The following HMCN2 variants were observed in gnomAD, a reference collection of about 807,000 sequenced individuals.
HMCN2 encodes the protein hemicentin 2, also known as hemicentin-2.
A neutral mutation model predicts 377.5 loss-of-function variants in HMCN2; 325 were observed. The observed-to-expected ratio is 0.86, with a 90% CI of 0.79 to 0.94. The LOEUF (loss-of-function observed/expected upper bound fraction) is 0.94. Ranked by LOEUF, HMCN2 falls within the 40% of genes least tolerant of loss-of-function variation. HMCN2 has a pLI of 0.00. For missense variants in HMCN2, 4,543 were observed against 4,725.3 expected (o/e 0.96, Z 1.13); for synonymous variants, 2,007 against 2,046.8 (o/e 0.98, Z 0.53).
intron 15 of HMCN2, among the ~76,000 whole-genome samples, chr9:130,313,607 C>G (rs929531020): frequency 1.4e-3 from 209 of 151,916 alleles, no homozygotes; most frequent in Middle Eastern, 3.4e-3. Flanking sequence ...GGCACCCCCC[C>G]CCATAAACCT....
intron 25 of HMCN2, among the ~76,000 whole-genome samples, chr9:130,345,854 G>A (rs1044538880): frequency 3.9e-5 from 6 of 151,954 alleles, no homozygotes; most frequent in Non-Finnish European, 8.8e-5. Context: ...GGCACTTTAC[G>A]GTGGGCGGTC....
intron 48 of HMCN2, among the ~76,000 whole-genome samples, chr9:130,373,735 A>G (rs796949377): frequency 0.076 from 1,583 of 20,940 alleles, 1 homozygote; most frequent in Non-Finnish European, 0.21. Flanking sequence ...ATGGATAGGT[A>G]GGTGGATGGA....
intron 22 of HMCN2, among the ~76,000 whole-genome samples, chr9:130,335,070 T>A (rs1838672912): frequency 6.6e-6 from 1 of 152,200 alleles, no homozygotes; most frequent in South Asian, 2.1e-4. Flanking sequence ...TTTTCAAATA[T>A]GAAATGGGGT....
chr9:130,391,890 T>A lies in HMCN2; in HGVS notation c.9953-45T>A. On this transcript the variant is annotated intron_variant, in intron 65 of 97. Coordinates refer to ENST00000683500, the MANE Select transcript of HMCN2 (RefSeq NM_001291815.2). ...TTTCCCTGGGAGGAGCCCACCTTCC[T>A]CCCAAGACCTCCGCACTACCCCTCT... The A allele has an allele frequency of 5.2e-6, 5 of 967,914 alleles. No homozygotes were observed. The South Asian group carries it at 2.4e-4, about 46-fold the overall frequency. 60.0% of individuals were successfully genotyped at this position (967,914 alleles called of 1,614,324 possible).
intron 82 of HMCN2, chr9:130,407,273 C>G (rs75385142): frequency 0.015 from 2,638 of 171,322 alleles, 23 homozygotes; most frequent in East Asian, 0.023. Context: ...AAGAAACCTT[C>G]TCTCTAGAAA....
At position 130,403,322 on chromosome 9, in the gene HMCN2, G is replaced by A. The variant is rs548953870; in HGVS notation, c.12007G>A (p.Ala4003Thr). ...CTGGCAGAAGGAAGGGCTCAACGTC[G>A]CTACTGGTGAGGGCCCCTGGCAGCC... is the stretch of plus-strand genomic sequence containing the variant. ...ITWQKEGLNV[A>T]TGVSTQVLPG... Residue 4003 changes from alanine (A) to threonine (T), a missense_variant, in exon 79 of 98, where the codon GCT becomes ACT. By Grantham distance (58) the Ala-to-Thr change is moderately conservative. Transcript: ENST00000683500. The A allele has an allele frequency of 3.6e-4, 463 of 1,289,898 alleles. No homozygotes were observed. The African/African-American group carries it at 6.2e-3, about 17-fold the overall frequency. 79.9% of individuals were successfully genotyped at this position (1,289,898 alleles called of 1,614,324 possible).
At chr9:130,350,831 G>A (rs543124667) in intron 29 of HMCN2, among the ~76,000 whole-genome samples, 48 of 149,784 alleles carry the variant, frequency 3.2e-4, no homozygotes, top group East Asian at 8.0e-4. Context: ...ACTTGAGCCC[G>A]GGAGGTGGAG....
rs1841385470 is a variant in HMCN2, at chr9:130,376,517, C to A, written c.7920C>A (p.Ile2640=). 4.1e-6 allele frequency: 4 copies of A among 985,574 alleles called. No homozygotes were observed. Among genetic ancestry groups the A allele is most frequent in the Admixed American group, 6.1e-5 (1 of 16,266 alleles). The allele number at this position is 985,574 out of a possible 1,614,324, so 61.1% of individuals were successfully genotyped here. Residue 2640 remains isoleucine (I), a splice_region_variant and synonymous_variant, in exon 52 of 98, where the codon ATC becomes ATA. Transcript: ENST00000683500. ...AVKNYHVEVL[I]PPSISKDDPL... is the part of the protein sequence containing the mutation. ...TCTCAGACCCCTCGTGCTTTTCAGT[C>A]CCCCCTTCCATCTCCAAAGACGACC...
intron 85 of HMCN2, among the ~76,000 whole-genome samples, chr9:130,416,989 G>A (rs1313566656): frequency 1.3e-5 from 2 of 151,802 alleles, no homozygotes; most frequent in Non-Finnish European, 1.5e-5. Context: ...CTCGGCTACT[G>A]TAACCTCTGC....
chr9:130,278,796 G>GAGTGCAATGGCGTGA (rs1834943347), intron 1 of HMCN2, among the ~76,000 whole-genome samples: 4 of 150,004 alleles, frequency 2.7e-5, no homozygotes, highest in Admixed American at 6.7e-5. Context: ...GGTCAGGCTG[G>GAGTGCAATGGCGTGA]TCTTGAGCTC....
At position 130,351,710 on chromosome 9, in the gene HMCN2, C is replaced by G; in HGVS notation, c.4585+133C>G. 6.4e-6 allele frequency: 4 copies of G among 622,264 alleles called. No individual in the cohort carries two copies. The highest frequency in any genetic ancestry group is 6.9e-6 in the Non-Finnish European group (3 of 434,302). The allele number at this position is 622,264 out of a possible 1,614,324, so 38.5% of individuals were successfully genotyped here. On this transcript the variant is annotated intron_variant, in intron 30 of 97. Coordinates refer to ENST00000683500, the MANE Select transcript of HMCN2 (RefSeq NM_001291815.2). This position sits in a 1 kb window ranked among gnomAD's most constrained non-coding sequence, Gnocchi z 5.4. ...TGAGTGATCCCTGAGTCCAAGAAAGCTGGGGGCTGGGGTCGGGGTTGGGGT... is the reference window on the plus strand; with the variant it reads ...TGAGTGATCCCTGAGTCCAAGAAAGGTGGGGGCTGGGGTCGGGGTTGGGGT...
Position 130,385,747 on chromosome 9 carries a change from G to C in HMCN2, c.9294G>C (p.Glu3098Asp), listed in dbSNP as rs1389600199. 1.5e-5 allele frequency: 19 copies of C among 1,303,916 alleles called. No individual in the cohort carries two copies. The highest frequency in any genetic ancestry group is 1.9e-5 in the Non-Finnish European group (19 of 988,872). 80.8% of individuals were successfully genotyped at this position (1,303,916 alleles called of 1,614,324 possible). A position where few individuals can be genotyped will look rare whatever the true frequency, so the allele number is the denominator to read the frequency against. The change falls in exon 60 of 98, where the codon GAG (glutamate) becomes GAC (aspartate). Residue 3098 changes from glutamate to aspartate, a missense_variant. Physicochemically the swap from Glu to Asp is conservative, Grantham distance 45 (BLOSUM62 2). Around this residue, in one of 5 missense-constraint regions of HMCN2, gnomAD observed 736 missense variants for 773.2 expected, o/e 0.95. Transcript: ENST00000683500. ...CTCTGCGGGGTGGGCAGAGGCTGGA[G>C]ATCCAGGAAGCCCAGGTGAGCAACC... ...TQALRGGQRL[E>D]IQEAQVSDKG...
In HMCN2 at chr9:130,351,502, G is replaced by C. The variant is rs1421016733; in HGVS notation, c.4510G>C (p.Asp1504His). Reference protein sequence around the residue: ...VLRITGSHVGDEGRYQCVAFS... With the variant: ...VLRITGSHVGHEGRYQCVAFS... ...CAGGATCACCGGCAGTCACGTGGGG[G>C]ATGAGGGACGATACCAGTGCGTGGC... is the stretch of plus-strand genomic sequence containing the variant. Residue 1504 changes from aspartate (D) to histidine (H), a missense_variant, in exon 30 of 98, where the codon GAT (aspartate) becomes CAT (histidine). Asp to His is a moderately conservative substitution (Grantham distance 81, BLOSUM62 -1). Coordinates refer to ENST00000683500, the MANE Select transcript of HMCN2 (RefSeq NM_001291815.2). This position sits in a 1 kb window ranked among gnomAD's most constrained non-coding sequence, Gnocchi z 5.4. 10 of 1,304,286 alleles carry C rather than the reference G, an allele frequency of 7.7e-6. No homozygotes were observed. The South Asian group carries it at 9.9e-5, about 13-fold the overall frequency. 80.8% of individuals were successfully genotyped at this position (1,304,286 alleles called of 1,614,324 possible). A position where few individuals can be genotyped will look rare whatever the true frequency, so the allele number is the denominator to read the frequency against.
intron 76 of HMCN2, among the ~76,000 whole-genome samples, chr9:130,400,089 C>A (rs1488203643): frequency 6.6e-6 from 1 of 152,182 alleles, no homozygotes; most frequent in East Asian, 1.9e-4. Flanking sequence ...CACGCTGTTG[C>A]CTTTGCCGGG....
intron 1 of HMCN2, among the ~76,000 whole-genome samples, chr9:130,280,234 C>T (rs1835038285): frequency 6.7e-6 from 1 of 148,212 alleles, no homozygotes; most frequent in Non-Finnish European, 1.5e-5. Flanking sequence ...GCGATCTCGG[C>T]TCACTGCAAG....
In HMCN2 at chr9:130,403,249, G is replaced by A. The variant is rs755824105; in HGVS notation, c.11934G>A (p.Glu3978=). 21 of 1,289,830 alleles carry A rather than the reference G, an allele frequency of 1.6e-5. No individual in the cohort carries two copies. The South Asian group carries it at 2.6e-4, about 16-fold the overall frequency. The allele number at this position is 1,289,830 out of a possible 1,614,324, so 79.9% of individuals were successfully genotyped here. The change falls in exon 79 of 98, where the codon GAG becomes GAA. Residue 3978 remains glutamate (E), a synonymous_variant. Transcript: ENST00000683500. The part of the protein sequence containing the change: ...PSVVRAVAEE[E]VLLPCEASGI... ...TGGTTCGGGCAGTGGCAGAGGAGGA[G>A]GTGCTGCTGCCCTGCGAGGCCTCAG...
chr9:130,374,400 T>A lies in HMCN2; in HGVS notation c.7439-102T>A, dbSNP rs190962658. On this transcript the variant is annotated intron_variant, in intron 48 of 97. Transcript: ENST00000683500. ...TGCTTCATGGGCCTCTGGGCCGGAA[T>A]GGAAAATTCACATCCCCTGATCCAT... is the stretch of plus-strand genomic sequence containing the variant. 3.7e-4 allele frequency: 192 copies of A among 524,308 alleles called. 1 individual carries two copies. The African/African-American group carries it at 3.7e-3, about 10-fold the overall frequency. 32.5% of individuals were successfully genotyped at this position (524,308 alleles called of 1,614,324 possible). A position where few individuals can be genotyped will look rare whatever the true frequency, so the allele number is the denominator to read the frequency against.
intron 85 of HMCN2, among the ~76,000 whole-genome samples, chr9:130,417,531 A>AC (rs1262433830): frequency 6.9e-6 from 1 of 145,670 alleles, no homozygotes; most frequent in Non-Finnish European, 1.5e-5. Context: ...CAAAAAAAAA[A>AC]AAAAAACAAA....
intron 23 of HMCN2, among the ~76,000 whole-genome samples, chr9:130,339,400 A>C (rs1838932661): frequency 6.6e-6 from 1 of 152,040 alleles, no homozygotes; most frequent in Non-Finnish European, 1.5e-5. Context: ...CTCACACCCC[A>C]TTTTACAGGT....
Sources: allele counts gnomAD v4.1 joint callset (sites outside exome capture counted in the v4.1 genomes callset), GRCh38; gene constraint gnomAD v4.1.1; regional missense constraint gnomAD v4.1.1; non-coding constraint Gnocchi (gnomAD v3.1); transcripts MANE v1.5; gene names NCBI Gene and HGNC (gene_info 2026-07-23, HGNC 2026-07-21).